Variants in ORC3 observed in about 807,000 individuals in gnomAD.
The protein encoded by ORC3 is homolog of latheo, Drosophila.
Under a neutral mutation model 100.7 loss-of-function variants are expected in ORC3, and 78 were observed. The observed-to-expected ratio is 0.77, with a 90% CI of 0.65 to 0.94. The LOEUF is 0.94. ORC3 is among the 40% of genes least tolerant of loss of function. The pLI is 0.00. For missense variants in ORC3, 789 were observed against 823.9 expected (o/e 0.96, Z 0.52); for synonymous variants, 295 against 289.3 (o/e 1.02, Z -0.20).
intron 17 of ORC3, among the ~76,000 whole-genome samples, chr6:87,663,460 T>C (rs542909710): frequency 6.6e-6 from 1 of 152,320 alleles, no homozygotes; most frequent in Non-Finnish European, 1.5e-5. Flanking sequence ...AAAAGAAATG[T>C]TTCCTGTAAA....
intron 2 of ORC3, 106 bp downstream of exon 2, chr6:87,594,513 C>T: frequency 7.2e-7 from 1 of 1,396,982 alleles, no homozygotes; most frequent in Non-Finnish European, 9.4e-7. Context: ...GGCTTACTTG[C>T]CATGTTGATG....
At chr6:87,640,935 C>T (rs1006433073) in intron 13 of ORC3, among the ~76,000 whole-genome samples, 8 of 152,040 alleles carry the variant, frequency 5.3e-5, no homozygotes, top group Non-Finnish European at 1.5e-5. Flanking sequence ...TGGTGAAACC[C>T]CGTCTCTACT....
the ORC3 span, among the ~76,000 whole-genome samples, chr6:87,673,853 A>T: frequency 1.3e-5 from 2 of 151,168 alleles, no homozygotes; most frequent in African/African-American, 4.9e-5. Context: ...AAAAAAAAGT[A>T]GGGGGGAAGG....
Position 87,590,865 on chromosome 6 carries a change from A to G in ORC3, c.24+673A>G, listed in dbSNP as rs183700737. ...GACAAAGAGTGGGAGCGTCATGAAAAATGAGAATGAAAAAGTAATGTGGAT... is the reference window on the plus strand; with the variant it reads ...GACAAAGAGTGGGAGCGTCATGAAAGATGAGAATGAAAAAGTAATGTGGAT... On this transcript the variant is annotated intron_variant, in intron 1 of 19. Coordinates refer to ENST00000392844, the MANE Select transcript of ORC3 (RefSeq NM_012381.4). Among the ~76,000 whole-genome samples, 6 of 152,308 alleles carry G rather than the reference A, an allele frequency of 3.9e-5. No individual in the cohort carries two copies. In the East Asian group the frequency reaches 1.2e-3, roughly 29 times the overall value.
intron 11 of ORC3, among the ~76,000 whole-genome samples, chr6:87,627,862 G>A (rs6932464): frequency 0.075 from 11,372 of 152,106 alleles, 443 homozygotes; most frequent in East Asian, 0.095. Flanking sequence ...CTAGGAGGAA[G>A]CATTTGTTAT....
intron 11 of ORC3, among the ~76,000 whole-genome samples, chr6:87,629,730 G>A (rs1767242202): frequency 6.6e-6 from 1 of 151,998 alleles, no homozygotes; most frequent in Non-Finnish European, 1.5e-5. Context: ...GAAGTCCACA[G>A]TGTCTGTTAT....
chr6:87,627,825 C>A (rs1473858462), intron 11 of ORC3, among the ~76,000 whole-genome samples: 1 of 152,268 alleles, frequency 6.6e-6, no homozygotes, highest in East Asian at 1.9e-4. Flanking sequence ...AACCACACTT[C>A]AAGAACTACT....
intron 13 of ORC3, among the ~76,000 whole-genome samples, chr6:87,641,520 T>A (rs1342103276): frequency 6.6e-6 from 1 of 152,164 alleles, no homozygotes; most frequent in Non-Finnish European, 1.5e-5. Flanking sequence ...CTGACACTAG[T>A]CATATTGGCA....
chr6:87,603,555 A>G, intron 4 of ORC3, 27 bp downstream of exon 4: 3 of 1,405,732 alleles, frequency 2.1e-6, no homozygotes, highest in East Asian at 2.3e-5. Flanking sequence ...TTGTTCATGC[A>G]TGCATCTCTG....
At chr6:87,650,434 CCTT>C (rs1010872500) in intron 13 of ORC3, among the ~76,000 whole-genome samples, 4 of 152,122 alleles carry the variant, frequency 2.6e-5, no homozygotes, top group African/African-American at 9.7e-5. Context: ...ATTTCATCCT[CCTT>C]CTTAACATTT....
At chr6:87,656,076 T>C (rs929352499) in intron 14 of ORC3, among the ~76,000 whole-genome samples, 1 of 152,158 alleles carries the variant, frequency 6.6e-6, no homozygotes, top group Non-Finnish European at 1.5e-5. Context: ...AGCATTATGC[T>C]CTCTAGAAGG....
the ORC3 span, among the ~76,000 whole-genome samples, chr6:87,676,603 A>ACGCGCGCG: frequency 2.4e-4 from 16 of 66,792 alleles, no homozygotes; most frequent in African/African-American, 8.4e-4. Context: ...AAAAACACAC[A>ACGCGCGCG]CACACACACA....
intron 11 of ORC3, among the ~76,000 whole-genome samples, chr6:87,629,354 C>G (rs749940393): frequency 6.6e-6 from 1 of 152,174 alleles, no homozygotes; most frequent in Non-Finnish European, 1.5e-5. Flanking sequence ...TCTGAGGTCA[C>G]TGTTCACCCC....
intron 13 of ORC3, among the ~76,000 whole-genome samples, chr6:87,639,155 G>T (rs796601323): frequency 1.2e-4 from 19 of 152,156 alleles, no homozygotes; most frequent in African/African-American, 4.6e-4. Context: ...TCCAAAATCT[G>T]AAAAAATCCA....
rs939474334 is a variant in ORC3, at chr6:87,653,164, G to A, written c.1431G>A (p.Lys477=). 9 of 1,613,738 alleles carry A rather than the reference G, an allele frequency of 5.6e-6. No individual in the cohort carries two copies. Among genetic ancestry groups the A allele is most frequent in the Non-Finnish European group, 7.6e-6 (9 of 1,179,702 alleles). ...ELMTILEKCF[K]VFKSYCENHL... is the part of the protein sequence containing the mutation. The stretch of plus-strand genomic sequence containing the variant: ...TGACCATACTTGAGAAATGTTTCAA[G>A]GTTTTTAAGTCTTATTGTGAAAACC... Residue 477 remains lysine (K), a synonymous_variant, in exon 14 of 20, where the codon AAG becomes AAA. Transcript: ENST00000392844.
downstream of ORC3, among the ~76,000 whole-genome samples, chr6:87,669,167 AC>A (rs1770779640): frequency 6.6e-6 from 1 of 152,190 alleles, no homozygotes; most frequent in African/African-American, 2.4e-5. Flanking sequence ...CAAAAACAAA[AC>A]AAAACAAAAG....
At chr6:87,639,145 T>A (rs1164763562) in intron 13 of ORC3, among the ~76,000 whole-genome samples, 3 of 152,128 alleles carry the variant, frequency 2.0e-5, no homozygotes, top group African/African-American at 7.2e-5. Flanking sequence ...TGGCAAATAT[T>A]CCAAAATCTG....
intron 4 of ORC3, among the ~76,000 whole-genome samples, chr6:87,604,133 C>A (rs565051463): frequency 1.1e-4 from 17 of 152,174 alleles, no homozygotes; most frequent in Non-Finnish European, 2.5e-4. Flanking sequence ...GAAAAAATTT[C>A]TTTGGAATAT....
intron 19 of ORC3, among the ~76,000 whole-genome samples, chr6:87,666,186 CAG>C (rs1770589146): frequency 6.6e-6 from 1 of 152,146 alleles, no homozygotes; most frequent in East Asian, 1.9e-4. Flanking sequence ...AGCTGGAGTG[CAG>C]TAGTGCGATC....
Sources: allele counts gnomAD v4.1 joint callset (sites outside exome capture counted in the v4.1 genomes callset), GRCh38; gene constraint gnomAD v4.1.1; transcripts MANE v1.5; gene names NCBI Gene and HGNC (gene_info 2026-07-23, HGNC 2026-07-21).